The following SMAD4 variants were observed in gnomAD, a reference collection of about 807,000 sequenced individuals.
The protein encoded by SMAD4 is MAD homolog 4.
SMAD4 carries 7 observed loss-of-function variants against 63.2 expected under a neutral mutation model. That is an observed-to-expected ratio of 0.11 (90% confidence interval 0.06 to 0.21). The LOEUF (loss-of-function observed/expected upper bound fraction) is 0.21, where lower values mean the gene tolerates loss of function less well. SMAD4 is among the 10% of genes least tolerant of loss of function. SMAD4 has a pLI of 1.00. For missense variants in SMAD4, 312 were observed against 693.8 expected (o/e 0.45, Z 6.18); for synonymous variants, 215 against 235.4 (o/e 0.91, Z 0.79).
At chr18:51,068,221 A>G (rs1368675192) in intron 10 of SMAD4, among the ~76,000 whole-genome samples, 1 of 152,210 alleles carries the variant, frequency 6.6e-6, no homozygotes, top group Non-Finnish European at 1.5e-5. Flanking sequence ...GAATTTTTTT[A>G]TATGACACTT....
chr18:51,036,515 C>T (rs898547398), intron 1 of SMAD4, among the ~76,000 whole-genome samples: 1 of 152,112 alleles, frequency 6.6e-6, no homozygotes, highest in African/African-American at 2.4e-5. Flanking sequence ...TTAGGTGTGT[C>T]TTACATCATA....
intron 1 of SMAD4, among the ~76,000 whole-genome samples, chr18:51,037,510 T>TA (rs1909240363): frequency 6.6e-6 from 1 of 152,176 alleles, no homozygotes; most frequent in Admixed American, 6.5e-5. Flanking sequence ...CAAACACACA[T>TA]AAGCATTTGA....
intron 8 of SMAD4, among the ~76,000 whole-genome samples, chr18:51,064,012 T>TA (rs1198679540): frequency 2.6e-5 from 4 of 152,244 alleles, no homozygotes; most frequent in Admixed American, 2.0e-4. Context: ...TGTTTTCTTT[T>TA]AAAAAAATTT....
In SMAD4 at chr18:51,030,534, T is replaced by TA. The variant is rs1398820870; in HGVS notation, c.-217_-216insA. The TA allele has an allele frequency of 6.7e-6, 1 of 150,030 alleles. No homozygotes were observed. Among genetic ancestry groups the TA allele is most frequent in the African/African-American group, 2.4e-5 (1 of 41,032 alleles). 9.3% of individuals were successfully genotyped at this position (150,030 alleles called of 1,614,324 possible). On this transcript the variant is annotated 5_prime_UTR_variant, in exon 1 of 12. Transcript: ENST00000342988. ...CCTCGGGGCGGGGGCCGAGGAGCTC[T>TA]CCGGGCCGCCGGGGAAAGCTACGGG...
At position 51,082,102 on chromosome 18, in the gene SMAD4, G is replaced by T; in HGVS notation, c.*3635G>T. 4.3e-6 allele frequency: 1 copy of T among 230,096 alleles called. No individual in the cohort carries two copies. Among genetic ancestry groups the T allele is most frequent in the Non-Finnish European group, 8.6e-6 (1 of 116,174 alleles). 14.3% of individuals were successfully genotyped at this position (230,096 alleles called of 1,614,324 possible). A position where few individuals can be genotyped will look rare whatever the true frequency, so the allele number is the denominator to read the frequency against. ...ACTGGCATTTTATTTAATGATAGCA[G>T]ATTGGGAAAATGGCAAATTTAGGTT... On this transcript the variant is annotated 3_prime_UTR_variant, in exon 12 of 12. Transcript: ENST00000342988.
chr18:51,053,363 G>A (rs1391033915), intron 4 of SMAD4: 1 of 152,124 alleles, frequency 6.6e-6, no homozygotes, highest in Non-Finnish European at 1.5e-5. Context: ...GGCTGAATAA[G>A]TGTAGACATA....
intron 2 of SMAD4, 121 bp from the exon 3 acceptor site, chr18:51,048,565 T>G (rs954449644): frequency 1.1e-6 from 1 of 898,468 alleles, no homozygotes; most frequent in Non-Finnish European, 1.8e-6. Flanking sequence ...AATTTTAGTT[T>G]TCTTATTTAT....
At chr18:51,049,570 G>T in intron 4 of SMAD4, 1 of 468,128 alleles carries the variant, frequency 2.1e-6, no homozygotes, top group Non-Finnish European at 3.8e-6. Context: ...AAAAAAATAT[G>T]ATAGAGGAAT....
intron 1 of SMAD4, among the ~76,000 whole-genome samples, chr18:51,043,358 T>G (rs1213548629): frequency 6.6e-6 from 1 of 152,174 alleles, no homozygotes; most frequent in Non-Finnish European, 1.5e-5. Flanking sequence ...CACAATAAAT[T>G]TGTGAAGTTG....
chr18:51,066,915 C>A, intron 9 of SMAD4, 104 bp from the exon 10 acceptor site: 1 of 914,890 alleles, frequency 1.1e-6, no homozygotes, highest in Non-Finnish European at 1.7e-6. Flanking sequence ...TTTATGTGAT[C>A]TTTATTTTTA....
intron 9 of SMAD4, chr18:51,066,694 G>T (rs749366930): frequency 4.0e-5 from 11 of 275,032 alleles, no homozygotes; most frequent in Non-Finnish European, 6.4e-5. Context: ...GTCACATGTG[G>T]CTAGTGGCTA....
rs755827115 is a variant in SMAD4 at position 51,079,965 on chromosome 18, G to GTTT, written c.*1510_*1512dup. 4.5e-5 allele frequency: 9 copies of GTTT among 202,110 alleles called. No homozygotes were observed. Among genetic ancestry groups the GTTT allele is most frequent in the East Asian group, 1.4e-4 (2 of 13,848 alleles). 12.5% of individuals were successfully genotyped at this position (202,110 alleles called of 1,614,324 possible). ...ACATTGTGTATCATGTGTAGAGTTG[G>GTTT]TTTTTTTTTTTTTTAATTTTTATTT... On this transcript the variant is annotated 3_prime_UTR_variant, in exon 12 of 12. Coordinates refer to ENST00000342988, the MANE Select transcript of SMAD4 (RefSeq NM_005359.6).
rs908032252 is a variant in SMAD4 at position 51,038,302 on chromosome 18, A to G, written c.-128+7679A>G. Among the ~76,000 whole-genome samples, 37 of 151,990 alleles carry G rather than the reference A, an allele frequency of 2.4e-4. No individual in the cohort carries two copies. The South Asian group carries it at 3.1e-3, about 13-fold the overall frequency. On this transcript the variant is annotated intron_variant, in intron 1 of 11. Coordinates refer to ENST00000342988, the MANE Select transcript of SMAD4 (RefSeq NM_005359.6). The stretch of plus-strand genomic sequence containing the variant: ...GTGTCAACACTGGGAAGATCTGTGT[A>G]ACTCATTGAACCAATATTTTCCCAA...
At chr18:51,054,240 G>C (rs1248786763) in intron 4 of SMAD4, 3 of 158,440 alleles carry the variant, frequency 1.9e-5, no homozygotes, top group Admixed American at 1.8e-4. Context: ...ACCTATAGGG[G>C]ACATTACATT....
intron 1 of SMAD4, among the ~76,000 whole-genome samples, chr18:51,040,778 A>G (rs1176967722): frequency 6.6e-6 from 1 of 152,272 alleles, no homozygotes; most frequent in Non-Finnish European, 1.5e-5. Flanking sequence ...GCAGATAACA[A>G]GAATCAGCTG....
At chr18:51,074,680 C>T (rs1462891071) in intron 10 of SMAD4, among the ~76,000 whole-genome samples, 1 of 152,164 alleles carries the variant, frequency 6.6e-6, no homozygotes, top group Non-Finnish European at 1.5e-5. Context: ...TATTAATTTA[C>T]TTCTTTAAAA....
intron 4 of SMAD4, chr18:51,052,877 GATC>G (rs1909746213): frequency 6.3e-6 from 1 of 157,714 alleles, no homozygotes; most frequent in African/African-American, 2.4e-5. Context: ...ACATGCATAT[GATC>G]ATAGTGTACA....
chr18:51,069,517 A>G (rs993962580), intron 10 of SMAD4, among the ~76,000 whole-genome samples: 4 of 152,090 alleles, frequency 2.6e-5, no homozygotes, highest in Non-Finnish European at 4.4e-5. Context: ...TCATTTTATT[A>G]TTTATTTTTT....
chr18:51,055,467 ATTAAT>A lies in SMAD4; in HGVS notation c.667+476_667+480del, dbSNP rs552565546. Among the ~76,000 whole-genome samples the A allele has an allele frequency of 3.3e-5, 5 of 151,376 alleles. No homozygotes were observed. The South Asian group carries it at 1.0e-3, about 31-fold the overall frequency. On this transcript the variant is annotated intron_variant, in intron 5 of 11. Coordinates refer to ENST00000342988, the MANE Select transcript of SMAD4 (RefSeq NM_005359.6). ...TTGTTATATATTGCTCAAGATAGAC[ATTAAT>A]TAAGTCAATTTTGATATAAGCTAAC...
Sources: allele counts gnomAD v4.1 joint callset (sites outside exome capture counted in the v4.1 genomes callset), GRCh38; gene constraint gnomAD v4.1.1; transcripts MANE v1.5; gene names NCBI Gene and HGNC (gene_info 2026-07-23, HGNC 2026-07-21).